The following LAMB3 variants were observed in gnomAD, a reference collection of about 807,000 sequenced individuals.
LAMB3 encodes the protein laminin subunit beta-3.
A neutral mutation model predicts 140.3 loss-of-function variants in LAMB3; 104 were observed. The ratio of observed to expected loss-of-function variants is 0.74; its 90% CI spans 0.63 to 0.87. The LOEUF (loss-of-function observed/expected upper bound fraction) is 0.87, where lower values mean the gene tolerates loss of function less well. Ranked by LOEUF, LAMB3 falls within the 40% of genes least tolerant of loss-of-function variation. LAMB3 has a pLI of 0.00. For missense variants in LAMB3, 1,531 were observed against 1,575.2 expected, an observed-to-expected ratio of 0.97 and a Z score of 0.47; for synonymous variants, 592 against 602.9, an observed-to-expected ratio of 0.98 and a Z score of 0.26.
rs1666696190 is a variant in LAMB3, at chr1:209,631,667, G to T, written c.822+916C>A. ...ATTTGAGGACCACCAGGGCTGGGTGGCTCCCTCCCACCTCGTCATGTCATA... is the reference window on the plus strand; with the variant it reads ...ATTTGAGGACCACCAGGGCTGGGTGTCTCCCTCCCACCTCGTCATGTCATA... On this transcript the variant is annotated intron_variant, in intron 8 of 22. Transcript: ENST00000356082. Among the ~76,000 whole-genome samples, 7 of 152,206 alleles carry T rather than the reference G, an allele frequency of 4.6e-5. No homozygotes were observed. In the South Asian group the frequency reaches 1.2e-3, roughly 27 times the overall value.
At chr1:209,626,169 A>G in intron 13 of LAMB3, 143 bp from the exon 14 acceptor site, 1 of 928,282 alleles carries the variant, frequency 1.1e-6, no homozygotes, top group Admixed American at 2.9e-5. Context: ...AATAAAAGCC[A>G]TGGTAACAGC....
chr1:209,634,339 G>T (rs1666811143), intron 6 of LAMB3, 108 bp downstream of exon 6: 1 of 1,135,682 alleles, frequency 8.8e-7, no homozygotes, highest in Non-Finnish European at 1.3e-6. Context: ...AGCAAGGGGA[G>T]CTGGCGAGGG....
At position 209,621,752 on chromosome 1, in the gene LAMB3, A is replaced by G. The variant is rs141808707; in HGVS notation, c.2701+784T>C. ...CCGGGTCCTGTTTAGGGATCTTTCC[A>G]TTGTACAGCCCTTCCTCACTCCCCA... On this transcript the variant is annotated intron_variant, in intron 18 of 22. Coordinates refer to ENST00000356082, the MANE Select transcript of LAMB3 (RefSeq NM_000228.3). 2.8e-3 allele frequency among the ~76,000 whole-genome samples: 421 copies of G among 152,250 alleles called. 2 individuals carry two copies. The highest frequency in any genetic ancestry group is 9.8e-3 in the African/African-American group (408 of 41,562).
At chr1:209,617,290 C>T in intron 21 of LAMB3, 120 bp downstream of exon 21, 1 of 1,152,986 alleles carries the variant, frequency 8.7e-7, no homozygotes, top group Non-Finnish European at 1.3e-6. Flanking sequence ...CAAGCCTCTT[C>T]TGGTTCTGTT....
rs777498798 is a variant in LAMB3 at position 209,615,383 on chromosome 1, C to T, written c.3407G>A (p.Gly1136Asp). 8.7e-6 allele frequency: 14 copies of T among 1,607,880 alleles called. No individual in the cohort carries two copies. The highest frequency in any genetic ancestry group is 1.7e-5 in the Admixed American group (1 of 59,746). ...MKDMELELLR[G>D]SQAIMLRSAD... ...TGAGCGCAGCATGATGGCCTGGCTG[C>T]CCCGCAGCAGCTCCAACTCCATGTC... Residue 1136 changes from glycine (G) to aspartate (D), a missense_variant, in exon 23 of 23, where the codon GGC becomes GAC. By Grantham distance (94) the Gly-to-Asp change is moderately conservative (BLOSUM62 -1). Coordinates refer to ENST00000356082, the MANE Select transcript of LAMB3 (RefSeq NM_000228.3).
In LAMB3 at chr1:209,638,664, A is replaced by G; in HGVS notation, c.184-16T>C. The G allele has an allele frequency of 6.4e-7, 1 of 1,550,960 alleles. No homozygotes were observed. Among genetic ancestry groups the G allele is most frequent in the African/African-American group, 1.4e-5 (1 of 73,854 alleles). ...TCATCTGCCACTGTGGGAGAGGGAG[A>G]TAGCAGACACTCAGAGGTGGGGTCC... On this transcript the variant is annotated splice_polypyrimidine_tract_variant and intron_variant, in intron 3 of 22. Transcript: ENST00000356082.
In LAMB3 at chr1:209,623,822, G is replaced by T. The variant is rs747650192; in HGVS notation, c.2137+18C>A. On this transcript the variant is annotated intron_variant, in intron 15 of 22. Coordinates refer to ENST00000356082, the MANE Select transcript of LAMB3 (RefSeq NM_000228.3). The surrounding 1 kb of genome is among the most constrained non-coding windows in gnomAD (Gnocchi z 4.2). ...GCAGTGCCCATGCCCGGGGTTATCC[G>T]GGTGCCCCTCTCCTCACCTGAAGGA... 1.2e-6 allele frequency: 2 copies of T among 1,614,038 alleles called. No homozygotes were observed. The highest frequency in any genetic ancestry group is 1.7e-6 in the Non-Finnish European group (2 of 1,180,034).
Position 209,623,966 on chromosome 1 carries a change from G to A in LAMB3, c.2011C>T (p.Leu671=). ...GGAAGGGACAACGTCTCCTCCTCCA[G>A]GGGCAGATCCAGCTGCAGGCCCTGG... ...TLQGLQLDLP[L]EEETLSLPRD... is the part of the protein sequence containing the mutation. The change falls in exon 15 of 23, where the codon CTG becomes TTG. Residue 671 remains leucine (L), a synonymous_variant. Transcript: ENST00000356082. This position sits in a 1 kb window ranked among gnomAD's most constrained non-coding sequence, Gnocchi z 4.2. 1 of 1,614,016 alleles carries A rather than the reference G, an allele frequency of 6.2e-7. No homozygotes were observed. Among genetic ancestry groups the A allele is most frequent in the Non-Finnish European group, 8.5e-7 (1 of 1,180,020 alleles).
intron 6 of LAMB3, among the ~76,000 whole-genome samples, 155 bp from the exon 7 acceptor site, chr1:209,633,288 G>A (rs1666763759): frequency 6.6e-6 from 1 of 152,186 alleles, no homozygotes; most frequent in Non-Finnish European, 1.5e-5. Context: ...GTCATCTGCT[G>A]TGGGGGAGAA....
chr1:209,650,592 A>G (rs568653540), intron 2 of LAMB3, among the ~76,000 whole-genome samples: 6 of 152,358 alleles, frequency 3.9e-5, no homozygotes, highest in African/African-American at 1.4e-4. Flanking sequence ...AATTCACTGG[A>G]AAACAGGAAC....
chr1:209,642,603 C>T (rs1422226145), intron 3 of LAMB3, among the ~76,000 whole-genome samples: 3 of 152,118 alleles, frequency 2.0e-5, no homozygotes, highest in Admixed American at 6.5e-5. Flanking sequence ...CTCGGCCTCC[C>T]GAGTAGCTAG....
At chr1:209,626,731 A>G in intron 13 of LAMB3, 136 bp downstream of exon 13, 1 of 722,554 alleles carries the variant, frequency 1.4e-6, no homozygotes, top group East Asian at 2.7e-5. Flanking sequence ...GTGCACTCAC[A>G]GGGCTGCCCA....
chr1:209,641,205 A>G (rs916838564), intron 3 of LAMB3, among the ~76,000 whole-genome samples: 2 of 152,094 alleles, frequency 1.3e-5, no homozygotes, highest in African/African-American at 4.8e-5. Context: ...AACTATTTGC[A>G]TTAGCATTAT....
chr1:209,624,306 T>G (rs1410276469), intron 14 of LAMB3, among the ~76,000 whole-genome samples: 1 of 152,228 alleles, frequency 6.6e-6, no homozygotes, highest in East Asian at 1.9e-4. Flanking sequence ...AATGCCCTGA[T>G]GCCCTCCTCC....
At chr1:209,624,439 C>G in intron 14 of LAMB3, among the ~76,000 whole-genome samples, 1 of 152,354 alleles carries the variant, frequency 6.6e-6, no homozygotes, top group Middle Eastern at 3.4e-3. Context: ...GTCATCCCCC[C>G]GAAGGAGGCT....
rs1337480542 is a variant in LAMB3, at chr1:209,633,063, C to T, written c.628+7G>A. 7 of 1,597,514 alleles carry T rather than the reference C, an allele frequency of 4.4e-6. No individual in the cohort carries two copies. The highest frequency in any genetic ancestry group is 3.3e-4 in the Middle Eastern group (2 of 6,024). ...GTTCCATGGACAAGAGAAGTAACCA[C>T]ACTGACCTTGAATTTTTTGACTTTG... is the stretch of plus-strand genomic sequence containing the variant. On this transcript the variant is annotated splice_region_variant and intron_variant, in intron 7 of 22. Coordinates refer to ENST00000356082, the MANE Select transcript of LAMB3 (RefSeq NM_000228.3).
rs1468267079 is a variant in LAMB3 at position 209,633,141 on chromosome 1, G to A, written c.565-8C>T. The A allele has an allele frequency of 3.1e-6, 5 of 1,606,700 alleles. No individual in the cohort carries two copies. The highest frequency in any genetic ancestry group is 4.3e-6 in the Non-Finnish European group (5 of 1,173,210). On this transcript the variant is annotated splice_polypyrimidine_tract_variant and splice_region_variant and intron_variant, in intron 6 of 22. Transcript: ENST00000356082. ...CATAAGGTTAAGTTGGACCTACAGA[G>A]GGAAGGGAAAGAGAAGCGCTGAAGA...
chr1:209,629,732 C>T lies in LAMB3; in HGVS notation c.1132+5G>A, dbSNP rs770302956. On this transcript the variant is annotated splice_donor_5th_base_variant and intron_variant, in intron 10 of 22. Coordinates refer to ENST00000356082, the MANE Select transcript of LAMB3 (RefSeq NM_000228.3). ...ACACTCTGGGACTCCGGAGCCTCTA[C>T]TCACAGATGCAGGTCTCCTGAATGG... 2.8e-5 allele frequency: 45 copies of T among 1,613,868 alleles called. No homozygotes were observed. The highest frequency in any genetic ancestry group is 3.6e-5 in the Non-Finnish European group (42 of 1,179,858).
At chr1:209,631,595 C>A (rs1025781486) in intron 8 of LAMB3, among the ~76,000 whole-genome samples, 1 of 152,126 alleles carries the variant, frequency 6.6e-6, no homozygotes, top group Non-Finnish European at 1.5e-5. Context: ...GGGATGAGAC[C>A]CAGGCAGTGG....
Sources: allele counts gnomAD v4.1 joint callset (sites outside exome capture counted in the v4.1 genomes callset), GRCh38; gene constraint gnomAD v4.1.1; non-coding constraint Gnocchi (gnomAD v3.1); transcripts MANE v1.5; gene names NCBI Gene and HGNC (gene_info 2026-07-23, HGNC 2026-07-21).